PRELID2: variants seen among roughly 807,000 people sequenced by gnomAD.
The protein encoded by PRELID2 is PRELI domain containing 2.
In PRELID2, 25 loss-of-function variants were observed where a neutral mutation model predicts 28.4. The ratio of observed to expected loss-of-function variants is 0.88; its 90% CI spans 0.64 to 1.23. PRELID2 has a LOEUF of 1.23. PRELID2 is among the 50% of genes most tolerant of loss of function. The probability of loss-of-function intolerance (pLI) is 0.00; values close to 1 mark genes in which losing one functional copy is unlikely to be tolerated. For synonymous variants in PRELID2, 76 were observed against 71.6 expected (o/e 1.06, Z -0.31); for missense variants, 201 against 214.4 (o/e 0.94, Z 0.39).
chr5:145,695,784 G>A (rs1755247963), intron 1 of PRELID2, among the ~76,000 whole-genome samples: 1 of 152,154 alleles, frequency 6.6e-6, no homozygotes, highest in African/African-American at 2.4e-5. Context: ...GACCCAGAGT[G>A]AGCAAGGAGG....
At chr5:145,357,692 C>G in the PRELID2 span, among the ~76,000 whole-genome samples, 1 of 152,096 alleles carries the variant, frequency 6.6e-6, no homozygotes, top group Non-Finnish European at 1.5e-5. Flanking sequence ...TTGACTTTCT[C>G]CTGAATGTCG....
intron 1 of PRELID2, among the ~76,000 whole-genome samples, chr5:145,617,368 A>G (rs1336336702): frequency 6.6e-6 from 1 of 152,176 alleles, no homozygotes; most frequent in Non-Finnish European, 1.5e-5. Context: ...AGATTGCAGT[A>G]AAGACAGGCG....
At chr5:145,658,624 G>T (rs893445578) in intron 1 of PRELID2, among the ~76,000 whole-genome samples, 1 of 152,018 alleles carries the variant, frequency 6.6e-6, no homozygotes, top group African/African-American at 2.4e-5. Context: ...TCCCTCTCTC[G>T]CCACGGGATA....
chr5:145,343,846 A>G, the PRELID2 span, among the ~76,000 whole-genome samples: 1 of 151,994 alleles, frequency 6.6e-6, no homozygotes, highest in Non-Finnish European at 1.5e-5. Context: ...AACTGATACC[A>G]CAGAAATACA....
chr5:145,338,035 C>G, the PRELID2 span: 1 of 152,124 alleles, frequency 6.6e-6, no homozygotes, highest in Non-Finnish European at 1.5e-5. Flanking sequence ...GAGAGAACAT[C>G]TGTTTCAAAA....
the PRELID2 span, among the ~76,000 whole-genome samples, chr5:145,426,325 G>A: frequency 6.6e-6 from 1 of 152,102 alleles, no homozygotes; most frequent in Non-Finnish European, 1.5e-5. Context: ...TCTCGGTGAG[G>A]AAAAGACAAG....
intron 1 of PRELID2, among the ~76,000 whole-genome samples, chr5:145,541,982 A>C (rs1752748437): frequency 6.6e-6 from 1 of 152,138 alleles, no homozygotes; most frequent in Non-Finnish European, 1.5e-5. Context: ...ATTCATGATA[A>C]GTAAAAAAAG....
the PRELID2 span, among the ~76,000 whole-genome samples, chr5:145,233,559 A>G: frequency 7.9e-5 from 12 of 152,256 alleles, no homozygotes; most frequent in Admixed American, 3.3e-4. Flanking sequence ...CAAAACTAGA[A>G]AAGGTAATCT....
chr5:145,683,993 A>G (rs114565515), intron 1 of PRELID2, among the ~76,000 whole-genome samples: 2,638 of 152,234 alleles, frequency 0.017, 83 homozygotes, highest in African/African-American at 0.059. Context: ...TAGAGGGGAG[A>G]TTCCAGGAAG....
chr5:145,372,896 ACAAC>A, the PRELID2 span, among the ~76,000 whole-genome samples: 1 of 48,186 alleles, frequency 2.1e-5, no homozygotes, highest in Non-Finnish European at 4.2e-5. Context: ...ATTATATATT[ACAAC>A]ATATATAATA....
At chr5:145,662,571 G>C (rs1407813248) in intron 1 of PRELID2, among the ~76,000 whole-genome samples, 1 of 152,142 alleles carries the variant, frequency 6.6e-6, no homozygotes, top group Admixed American at 6.6e-5. Context: ...GGGCTGTGAA[G>C]AGGCAATTGG....
At chr5:145,429,984 T>G in the PRELID2 span, 1 of 152,312 alleles carries the variant, frequency 6.6e-6, no homozygotes, top group Non-Finnish European at 1.5e-5. Context: ...TGAACACAGA[T>G]GCATGAGAAA....
At chr5:145,242,449 C>T in the PRELID2 span, among the ~76,000 whole-genome samples, 1 of 151,972 alleles carries the variant, frequency 6.6e-6, no homozygotes, top group Admixed American at 6.6e-5. Flanking sequence ...TCATTCCCAT[C>T]CCACAGGAGG....
chr5:145,712,140 G>T (rs1755712292), intron 1 of PRELID2, among the ~76,000 whole-genome samples: 1 of 152,208 alleles, frequency 6.6e-6, no homozygotes, highest in Non-Finnish European at 1.5e-5. Context: ...CAAGGTACTG[G>T]CTTGAAAGAG....
chr5:145,517,340 A>C, intron 1 of PRELID2, among the ~76,000 whole-genome samples: 1 of 152,214 alleles, frequency 6.6e-6, no homozygotes, highest in East Asian at 1.9e-4. Context: ...AGATATGAAC[A>C]GACACTTCTC....
chr5:145,768,401 G>T (rs1212191903), intron 5 of PRELID2, among the ~76,000 whole-genome samples: 1 of 151,936 alleles, frequency 6.6e-6, no homozygotes, highest in Non-Finnish European at 1.5e-5. Flanking sequence ...CACCTACTAC[G>T]TGCACTGGGG....
the PRELID2 span, among the ~76,000 whole-genome samples, chr5:145,276,916 G>C: frequency 6.6e-6 from 1 of 152,150 alleles, no homozygotes; most frequent in African/African-American, 2.4e-5. Flanking sequence ...TGTGAGAGCT[G>C]AGGTTGATGG....
the PRELID2 span, among the ~76,000 whole-genome samples, chr5:145,326,414 G>A: frequency 8.5e-5 from 13 of 152,144 alleles, no homozygotes; most frequent in African/African-American, 2.9e-4. Flanking sequence ...GAATTCATAT[G>A]AAAGGTAAAG....
At chr5:145,718,367 A>G (rs1000639027) in intron 1 of PRELID2, among the ~76,000 whole-genome samples, 2 of 151,976 alleles carry the variant, frequency 1.3e-5, no homozygotes, top group African/African-American at 4.8e-5. Flanking sequence ...ACAAAACTGA[A>G]TATCTCTCCA....
Sources: allele counts gnomAD v4.1 joint callset (sites outside exome capture counted in the v4.1 genomes callset), GRCh38; gene constraint gnomAD v4.1.1; transcripts MANE v1.5; gene names NCBI Gene and HGNC (gene_info 2026-07-23, HGNC 2026-07-21).